The following COL25A1 variants were observed in gnomAD, a reference collection of about 807,000 sequenced individuals.
COL25A1 encodes collagen type XXV alpha 1 chain.
Under a neutral mutation model 128.4 loss-of-function variants are expected in COL25A1, and 103 were observed. That is an observed-to-expected ratio of 0.80 (90% CI 0.68 to 0.94). COL25A1 has a LOEUF of 0.94. COL25A1 is among the 40% of genes least tolerant of loss of function. The pLI, the probability that COL25A1 is intolerant of heterozygous loss-of-function variation, is 0.00. For synonymous variants in COL25A1, 279 were observed against 277.2 expected (o/e 1.01, Z -0.06); for missense variants, 745 against 840.0 (o/e 0.89, Z 1.40).
At chr4:109,017,880 C>G (rs1757360607) in intron 5 of COL25A1, among the ~76,000 whole-genome samples, 1 of 152,062 alleles carries the variant, frequency 6.6e-6, no homozygotes, top group Non-Finnish European at 1.5e-5. Flanking sequence ...ATTAAGAAAC[C>G]CAAGCTTGAC....
rs1730984649 is a variant in COL25A1 at position 108,813,637 on chromosome 4, T to C, written c.*290A>G. The stretch of plus-strand genomic sequence containing the variant: ...AGCAAGCCAAAAGAAGGAAAATAGC[T>C]AGTACAATCAATCATTCTCTACCAC... On this transcript the variant is annotated 3_prime_UTR_variant, in exon 38 of 38. Coordinates refer to ENST00000399132, the MANE Select transcript of COL25A1 (RefSeq NM_198721.4). 6.0e-6 allele frequency: 2 copies of C among 332,518 alleles called. No individual in the cohort carries two copies. The highest frequency in any genetic ancestry group is 1.1e-5 in the Non-Finnish European group (2 of 180,794). 20.6% of individuals were successfully genotyped at this position (332,518 alleles called of 1,614,324 possible). A position where few individuals can be genotyped will look rare whatever the true frequency, so the allele number is the denominator to read the frequency against.
chr4:108,832,163 G>A (rs901383914), intron 32 of COL25A1, among the ~76,000 whole-genome samples: 6 of 152,162 alleles, frequency 3.9e-5, no homozygotes, highest in African/African-American at 1.4e-4. Context: ...GTAAATGTAT[G>A]TATTGTTTTT....
chr4:109,149,999 GGT>G (rs1160836259), intron 3 of COL25A1, among the ~76,000 whole-genome samples: 240 of 132,282 alleles, frequency 1.8e-3, no homozygotes, highest in African/African-American at 5.5e-3. Context: ...TGTATGTGTG[GGT>G]GTGTGTGTGT....
At position 108,962,617 on chromosome 4, in the gene COL25A1, C is replaced by T. The variant is rs566558351; in HGVS notation, c.492+11750G>A. ...GGTTTTTGATACTACCTTTCCATCA[C>T]TGACTCTTGTCAACCAGATTCGTGC... On this transcript the variant is annotated intron_variant, in intron 8 of 37. Transcript: ENST00000399132. 3.9e-4 allele frequency among the ~76,000 whole-genome samples: 59 copies of T among 152,274 alleles called. 2 individuals carry two copies. The Middle Eastern group carries it at 0.01, about 26-fold the overall frequency.
At chr4:108,888,870 T>C (rs971150265) in intron 18 of COL25A1, among the ~76,000 whole-genome samples, 2 of 152,166 alleles carry the variant, frequency 1.3e-5, no homozygotes, top group South Asian at 2.1e-4. Context: ...ATAGACATTT[T>C]TTTCTATTAA....
At chr4:109,119,334 G>A (rs900273646) in intron 3 of COL25A1, among the ~76,000 whole-genome samples, 3 of 151,572 alleles carry the variant, frequency 2.0e-5, no homozygotes, top group African/African-American at 7.3e-5. Context: ...AGAATAAGCA[G>A]AATAAAAGAA....
rs151104047 is a variant in COL25A1 at position 108,859,808 on chromosome 4, A to G, written c.1243-75T>C. 1.4e-4 allele frequency: 145 copies of G among 1,026,954 alleles called. 1 individual carries two copies. In the African/African-American group the frequency reaches 2.1e-3, roughly 15 times the overall value. The allele number at this position is 1,026,954 out of a possible 1,614,324, so 63.6% of individuals were successfully genotyped here. ...AGGGTGGACTGTGGCAGAAACAGAAATACAACTCACAGCTCTCTCTGAATA... is the reference window on the plus strand; with the variant it reads ...AGGGTGGACTGTGGCAGAAACAGAAGTACAACTCACAGCTCTCTCTGAATA... On this transcript the variant is annotated intron_variant, in intron 23 of 37. Coordinates refer to ENST00000399132, the MANE Select transcript of COL25A1 (RefSeq NM_198721.4).
At chr4:108,941,531 C>T (rs1748093761) in intron 8 of COL25A1, 94 bp from the exon 9 acceptor site, 3 of 851,616 alleles carry the variant, frequency 3.5e-6, no homozygotes, top group Non-Finnish European at 5.9e-6. Context: ...TAAAGATATC[C>T]ACATTAGACT....
chr4:108,925,193 A>C (rs794150), intron 11 of COL25A1, among the ~76,000 whole-genome samples: 50 of 152,320 alleles, frequency 3.3e-4, no homozygotes, highest in African/African-American at 1.2e-3. Context: ...ACTCAAAACA[A>C]AATAAGATAA....
At chr4:109,278,841 A>C (rs1397789531) in intron 3 of COL25A1, among the ~76,000 whole-genome samples, 2 of 152,168 alleles carry the variant, frequency 1.3e-5, no homozygotes, top group African/African-American at 4.8e-5. Flanking sequence ...TATAAAATTA[A>C]CTTTTATTTC....
chr4:108,912,745 T>C (rs1250699637), intron 13 of COL25A1, among the ~76,000 whole-genome samples: 2 of 152,174 alleles, frequency 1.3e-5, no homozygotes, highest in Non-Finnish European at 2.9e-5. Flanking sequence ...CTTGACTCAA[T>C]GGCTTAAGCT....
intron 3 of COL25A1, among the ~76,000 whole-genome samples, chr4:109,200,124 T>C (rs2126179578): frequency 6.6e-6 from 1 of 152,328 alleles, no homozygotes; most frequent in South Asian, 2.1e-4. Context: ...AGGAGCAATA[T>C]ATGAAATGGT....
chr4:109,254,520 TACATATAC>T (rs1780953529), intron 3 of COL25A1, among the ~76,000 whole-genome samples: 2 of 139,888 alleles, frequency 1.4e-5, no homozygotes, highest in African/African-American at 2.6e-5. Context: ...TGTGTGTATA[TACATATAC>T]ATATATATCT....
intron 16 of COL25A1, among the ~76,000 whole-genome samples, chr4:108,891,080 T>A (rs991315164): frequency 2.0e-5 from 3 of 152,226 alleles, no homozygotes; most frequent in Non-Finnish European, 4.4e-5. Flanking sequence ...TCTGGATCTA[T>A]TTTTATTCAG....
At chr4:109,253,192 AG>A (rs1780779911) in intron 3 of COL25A1, among the ~76,000 whole-genome samples, 2 of 152,332 alleles carry the variant, frequency 1.3e-5, no homozygotes, top group South Asian at 4.1e-4. Flanking sequence ...GATTCTTCTG[AG>A]AAACAGAGCC....
At chr4:109,165,318 T>C (rs905841442) in intron 3 of COL25A1, among the ~76,000 whole-genome samples, 1 of 152,100 alleles carries the variant, frequency 6.6e-6, no homozygotes, top group Non-Finnish European at 1.5e-5. Flanking sequence ...AAATCAGTTA[T>C]CGGGGTCATC....
rs368853773 is a variant in COL25A1, at chr4:109,051,320, C to T, written c.368-1141G>A. ...CATCAGTGGGGCAGTTAGTTTCCTT[C>T]CAGTCCCTTACACAGAATAAGTCTG... is the stretch of plus-strand genomic sequence containing the variant. On this transcript the variant is annotated intron_variant, in intron 3 of 37. Transcript: ENST00000399132. Among the ~76,000 whole-genome samples, 4 of 152,218 alleles carry T rather than the reference C, an allele frequency of 2.6e-5. No homozygotes were observed. The East Asian group carries it at 7.7e-4, about 29-fold the overall frequency.
At chr4:109,147,095 G>C (rs1428420752) in intron 3 of COL25A1, among the ~76,000 whole-genome samples, 2 of 152,236 alleles carry the variant, frequency 1.3e-5, no homozygotes, top group South Asian at 2.1e-4. Flanking sequence ...AGCAGTTAAA[G>C]ACCGTTGGCA....
intron 6 of COL25A1, among the ~76,000 whole-genome samples, chr4:109,001,147 G>T (rs929057364): frequency 1.3e-5 from 2 of 152,104 alleles, no homozygotes; most frequent in African/African-American, 4.8e-5. Context: ...AAGACTCAAG[G>T]TTTTGAGGTC....
Sources: gnomAD v4.1 joint callset for allele counts (sites outside exome capture counted in the v4.1 genomes callset) on GRCh38, gnomAD v4.1.1 for gene constraint, MANE v1.5 for transcripts, NCBI Gene and HGNC (gene_info 2026-07-23, HGNC 2026-07-21) for gene names.